Variants in SLC24A3 observed in about 807,000 individuals in gnomAD.
SLC24A3 encodes the protein solute carrier family 24 member 3.
Under a neutral mutation model 75.8 loss-of-function variants are expected in SLC24A3, and 28 were observed. That is an observed-to-expected ratio of 0.37 (90% confidence interval 0.27 to 0.51). The LOEUF is 0.51. Among genes scored for constraint, SLC24A3 ranks in the 20% least tolerant of loss-of-function variants. The probability of loss-of-function intolerance (pLI) is 0.94; values close to 1 mark genes in which losing one functional copy is unlikely to be tolerated. For synonymous variants in SLC24A3, 372 were observed against 334.1 expected (o/e 1.11, Z -1.24); for missense variants, 663 against 847.8 (o/e 0.78, Z 2.71).
At position 19,655,928 on chromosome 20, in the gene SLC24A3, G is replaced by T. The variant is rs112740743; in HGVS notation, c.687+1792G>T. On this transcript the variant is annotated intron_variant, in intron 7 of 16. Transcript: ENST00000328041. ...ATTTTATATATATATATCTTTTGTT[G>T]GTTCAGTGTCTCTTAAGAGCCCTAA... Among the ~76,000 whole-genome samples, 70 of 151,984 alleles carry T rather than the reference G, an allele frequency of 4.6e-4. 2 individuals carry two copies. Among genetic ancestry groups the T allele is most frequent in the African/African-American group, 1.6e-3 (68 of 41,434 alleles).
chr20:19,456,522 A>G (rs1402407481), intron 2 of SLC24A3, among the ~76,000 whole-genome samples: 1 of 152,242 alleles, frequency 6.6e-6, no homozygotes, highest in Non-Finnish European at 1.5e-5. Context: ...TTCCCCAGCC[A>G]TGTGGAACTG....
At chr20:19,456,120 T>G (rs1335072770) in intron 2 of SLC24A3, among the ~76,000 whole-genome samples, 1 of 152,298 alleles carries the variant, frequency 6.6e-6, no homozygotes, top group East Asian at 1.9e-4. Flanking sequence ...ACACGTTTCT[T>G]AAAGTTGAAG....
chr20:19,698,677 C>T lies in SLC24A3; in HGVS notation c.1716C>T (p.Ser572=), dbSNP rs1398344967. The T allele has an allele frequency of 2.5e-6, 4 of 1,573,174 alleles. No individual in the cohort carries two copies. Among genetic ancestry groups the T allele is most frequent in the South Asian group, 1.2e-5 (1 of 86,180 alleles). ...AGACCCTGGCTGTGGATTACGGATC[C>T]TACGTAAGTGGTTTTCTCCAGGACT... ...ALQTLAVDYG[S]YIRLNSRGLI... Residue 572 remains serine, a synonymous_variant, in exon 15 of 17, where the codon TCC becomes TCT. Coordinates refer to ENST00000328041, the MANE Select transcript of SLC24A3 (RefSeq NM_020689.4).
chr20:19,292,506 G>T (rs531491597), intron 2 of SLC24A3, among the ~76,000 whole-genome samples: 3 of 152,188 alleles, frequency 2.0e-5, no homozygotes, highest in African/African-American at 7.2e-5. Context: ...AAGCCTCCCC[G>T]TGGAGCTTTT....
At chr20:19,446,798 G>A (rs6046102) in intron 2 of SLC24A3, among the ~76,000 whole-genome samples, 4 of 152,146 alleles carry the variant, frequency 2.6e-5, no homozygotes, top group Non-Finnish European at 4.4e-5. Context: ...ATGGCTGTAA[G>A]TGAACCTGTG....
intron 2 of SLC24A3, among the ~76,000 whole-genome samples, chr20:19,431,483 G>C (rs1987101631): frequency 6.6e-6 from 1 of 152,012 alleles, no homozygotes; most frequent in Non-Finnish European, 1.5e-5. Context: ...TCACAGGCTG[G>C]GAGCAGCCGC....
intron 2 of SLC24A3, among the ~76,000 whole-genome samples, chr20:19,398,560 T>C (rs530613541): frequency 6.6e-6 from 1 of 152,224 alleles, no homozygotes; most frequent in African/African-American, 2.4e-5. Context: ...CTCACATATA[T>C]GTTCTAATAC....
At chr20:19,392,957 A>C (rs192897393) in intron 2 of SLC24A3, among the ~76,000 whole-genome samples, 1 of 152,154 alleles carries the variant, frequency 6.6e-6, no homozygotes, top group African/African-American at 2.4e-5. Flanking sequence ...GTCCATCTTT[A>C]TGGCCAGAAC....
intron 2 of SLC24A3, among the ~76,000 whole-genome samples, chr20:19,394,253 C>T (rs6136705): frequency 0.1 from 15,684 of 152,040 alleles, 1,212 homozygotes; most frequent in East Asian, 0.42. Context: ...ATATAAAATT[C>T]TTAGAAGAAA....
In SLC24A3 at chr20:19,696,652, C is replaced by T. The variant is rs551701071; in HGVS notation, c.1492-145C>T. On this transcript the variant is annotated intron_variant, in intron 13 of 16. Transcript: ENST00000328041. ...GTCGGCATCCACATAGTGTTTGTCA[C>T]CCTCTGTATTGATACAGAGAGCAGA... 3.2e-5 allele frequency: 19 copies of T among 589,200 alleles called. No homozygotes were observed. In the East Asian group the frequency reaches 5.3e-4, roughly 17 times the overall value. 36.5% of individuals were successfully genotyped at this position (589,200 alleles called of 1,614,324 possible).
At chr20:19,599,566 CCTGG>C (rs1355943873) in intron 6 of SLC24A3, among the ~76,000 whole-genome samples, 1 of 152,198 alleles carries the variant, frequency 6.6e-6, no homozygotes, top group Non-Finnish European at 1.5e-5. Flanking sequence ...TAGTGCTGAG[CCTGG>C]CTACCCAGGT....
intron 6 of SLC24A3, among the ~76,000 whole-genome samples, chr20:19,651,535 G>A (rs562238418): frequency 1.3e-5 from 2 of 151,852 alleles, no homozygotes; most frequent in Non-Finnish European, 2.9e-5. Flanking sequence ...TGCACTCAAT[G>A]AAATAAACTC....
At chr20:19,481,952 C>A (rs1988061662) in intron 2 of SLC24A3, among the ~76,000 whole-genome samples, 1 of 152,066 alleles carries the variant, frequency 6.6e-6, no homozygotes. Context: ...ACCTCTAGAC[C>A]CATCTCCCAG....
At chr20:19,349,438 A>G (rs995909078) in intron 2 of SLC24A3, among the ~76,000 whole-genome samples, 2 of 152,168 alleles carry the variant, frequency 1.3e-5, no homozygotes, top group Non-Finnish European at 2.9e-5. Context: ...CTGAACCTGA[A>G]TCTCTTTGCC....
chr20:19,711,551 C>G (rs2032993441), intron 15 of SLC24A3, among the ~76,000 whole-genome samples: 1 of 152,210 alleles, frequency 6.6e-6, no homozygotes, highest in African/African-American at 2.4e-5. Flanking sequence ...AACATGCAAA[C>G]ATGCAGGCAA....
chr20:19,480,614 C>T (rs1600246960), intron 2 of SLC24A3, among the ~76,000 whole-genome samples: 1 of 152,204 alleles, frequency 6.6e-6, no homozygotes, highest in African/African-American at 2.4e-5. Flanking sequence ...CTAGCCCATT[C>T]AGCTCCTGGA....
At chr20:19,678,340 A>AC (rs748490662) in intron 9 of SLC24A3, among the ~76,000 whole-genome samples, 5,924 of 97,540 alleles carry the variant, frequency 0.061, 351 homozygotes, top group Middle Eastern at 0.14. Flanking sequence ...CGGGGGGCTG[A>AC]CCCCCCCCAC....
intron 2 of SLC24A3, among the ~76,000 whole-genome samples, chr20:19,370,539 C>T (rs73902336): frequency 1.8e-4 from 28 of 152,334 alleles, no homozygotes; most frequent in South Asian, 8.3e-4. Flanking sequence ...CCAGACAGTC[C>T]GTGGATTGGA....
At chr20:19,396,773 A>C (rs901959330) in intron 2 of SLC24A3, among the ~76,000 whole-genome samples, 1 of 152,226 alleles carries the variant, frequency 6.6e-6, no homozygotes, top group African/African-American at 2.4e-5. Flanking sequence ...CCAGGATCAT[A>C]TAGTGTCTAA....
Sources: allele counts gnomAD v4.1 joint callset (sites outside exome capture counted in the v4.1 genomes callset), GRCh38; gene constraint gnomAD v4.1.1; transcripts MANE v1.5; gene names NCBI Gene and HGNC (gene_info 2026-07-23, HGNC 2026-07-21).